ATXN7L3: variants seen among roughly 807,000 people sequenced by gnomAD.
The protein encoded by ATXN7L3 is ataxin 7 like 3.
ATXN7L3 carries 6 observed loss-of-function variants against 50.0 expected under a neutral mutation model. The observed-to-expected ratio is 0.12, with a 90% CI of 0.07 to 0.24. The LOEUF (loss-of-function observed/expected upper bound fraction) is 0.24. Ranked by LOEUF, ATXN7L3 falls within the 10% of genes least tolerant of loss-of-function variation. The probability of loss-of-function intolerance (pLI) is 1.00; values close to 1 mark genes in which losing one functional copy is unlikely to be tolerated. For synonymous variants in ATXN7L3, 198 were observed against 165.8 expected (o/e 1.19, Z -1.49); for missense variants, 322 against 451.3 (o/e 0.71, Z 2.60).
In ATXN7L3 at chr17:44,196,946, T is replaced by C. The variant is rs1319406651; in HGVS notation, c.437A>G (p.Tyr146Cys). The change falls in exon 5 of 13, where the codon TAT becomes TGT. Residue 146 changes from tyrosine (Y) to cysteine (C), a missense_variant. Tyr to Cys is a radical substitution (Grantham distance 194, BLOSUM62 -2). Transcript: ENST00000587097. ...CCAAGCACCTTTCTTCTCCGAGCCA[T>C]AGGACCAGTCGTTGTCATTGATGTC... is the stretch of plus-strand genomic sequence containing the variant. ...NDDINDNDWS[Y>C]GSEKKAKKRK... 1.2e-6 allele frequency: 2 copies of C among 1,613,356 alleles called. No homozygotes were observed. Among genetic ancestry groups the C allele is most frequent in the Non-Finnish European group, 1.7e-6 (2 of 1,179,562 alleles).
Position 44,198,586 on chromosome 17 carries a change from G to GT in ATXN7L3, c.-60-457dup, listed in dbSNP as rs1191229053. The GT allele has an allele frequency of 7.8e-5, 12 of 154,066 alleles. No individual in the cohort carries two copies. In the Admixed American group the frequency reaches 7.8e-4, roughly 10 times the overall value. 9.5% of individuals were successfully genotyped at this position (154,066 alleles called of 1,614,324 possible). ...TCAGCCAGGATGTCCACTTGGGGGGGTACTGCTACCAGAAGTAGAAATGGC... is the reference window on the plus strand; with the variant it reads ...TCAGCCAGGATGTCCACTTGGGGGGGTTACTGCTACCAGAAGTAGAAATGGC... On this transcript the variant is annotated intron_variant, in intron 1 of 12. Coordinates refer to ENST00000587097, the MANE Select transcript of ATXN7L3 (RefSeq NM_001382309.1).
Position 44,193,993 on chromosome 17 carries a change from A to T in ATXN7L3, c.*270T>A, listed in dbSNP as rs1421026326. ...GGCCTAGCTGGACATCCAGTAACTC[A>T]CAGAATAAATAGGAAAACCGCCTCC... On this transcript the variant is annotated 3_prime_UTR_variant, in exon 13 of 13. Coordinates refer to ENST00000587097, the MANE Select transcript of ATXN7L3 (RefSeq NM_001382309.1). 11 of 432,320 alleles carry T rather than the reference A, an allele frequency of 2.5e-5. 1 individual carries two copies. Among genetic ancestry groups the T allele is most frequent in the Admixed American group, 8.1e-5 (2 of 24,818 alleles). 26.8% of individuals were successfully genotyped at this position (432,320 alleles called of 1,614,324 possible).
intron 7 of ATXN7L3, 51 bp from the exon 8 acceptor site, chr17:44,195,879 G>T (rs764892324): frequency 6.3e-6 from 10 of 1,588,812 alleles, no homozygotes; most frequent in African/African-American, 2.7e-5. Context: ...GGTACAGACA[G>T]AGAACCCTGA....
chr17:44,197,092 C>T (rs2055934859), intron 4 of ATXN7L3, 66 bp from the exon 5 acceptor site: 2 of 1,554,742 alleles, frequency 1.3e-6, no homozygotes, highest in Non-Finnish European at 1.8e-6. Context: ...GGTGGTCACC[C>T]CGCTCTGCCC....
At position 44,194,136 on chromosome 17, in the gene ATXN7L3, C is replaced by A. The variant is rs1250031625; in HGVS notation, c.*127G>T. 7.7e-7 allele frequency: 1 copy of A among 1,305,282 alleles called. No homozygotes were observed. Among genetic ancestry groups the A allele is most frequent in the African/African-American group, 1.5e-5 (1 of 67,466 alleles). The allele number at this position is 1,305,282 out of a possible 1,614,324, so 80.9% of individuals were successfully genotyped here. On this transcript the variant is annotated 3_prime_UTR_variant, in exon 13 of 13. Coordinates refer to ENST00000587097, the MANE Select transcript of ATXN7L3 (RefSeq NM_001382309.1). The stretch of plus-strand genomic sequence containing the variant: ...CAGGGGCGCATAATCGGATCCTCTG[C>A]CTGCCTGGCCCACCAAGCTTCCCAA...
At chr17:44,197,979 T>A in intron 2 of ATXN7L3, 41 bp downstream of exon 2, 6 of 1,601,006 alleles carry the variant, frequency 3.7e-6, no homozygotes, top group Non-Finnish European at 5.1e-6. Context: ...CGTAGAGACA[T>A]CAAGAGAAAG....
Position 44,195,843 on chromosome 17 carries a change from A to G in ATXN7L3, c.524-15T>C. The G allele has an allele frequency of 6.2e-7, 1 of 1,609,530 alleles. No individual in the cohort carries two copies. The highest frequency in any genetic ancestry group is 8.5e-7 in the Non-Finnish European group (1 of 1,178,266). ...GCTAAGTTCCCCTGAAGAAGAAAAA[A>G]GAAGGGGAAGGGTGTTTGATGCAGA... On this transcript the variant is annotated splice_polypyrimidine_tract_variant and intron_variant, in intron 7 of 12. Transcript: ENST00000587097.
chr17:44,191,858 T>G lies in ATXN7L3; in HGVS notation c.*2405A>C. 1 of 460,276 alleles carries G rather than the reference T, an allele frequency of 2.2e-6. No homozygotes were observed. The highest frequency in any genetic ancestry group is 2.9e-6 in the Non-Finnish European group (1 of 350,358). 28.5% of individuals were successfully genotyped at this position (460,276 alleles called of 1,614,324 possible). On this transcript the variant is annotated 3_prime_UTR_variant, in exon 13 of 13. Transcript: ENST00000587097. ...CCAGCAGCCATGGGGGCAGAGGGAA[T>G]ACACAGCGTTTACAAAGTTAGCTAC... is the stretch of plus-strand genomic sequence containing the variant.
rs371512397 is a variant in ATXN7L3, at chr17:44,192,517, C to G, written c.*1746G>C. ...CTTCAGCCCACTCCCCAGACTGCATCTGGAAGCGGCTAGAGGCCTGCTGAG... is the reference window on the plus strand; with the variant it reads ...CTTCAGCCCACTCCCCAGACTGCATGTGGAAGCGGCTAGAGGCCTGCTGAG... On this transcript the variant is annotated 3_prime_UTR_variant, in exon 13 of 13. Coordinates refer to ENST00000587097, the MANE Select transcript of ATXN7L3 (RefSeq NM_001382309.1). The G allele has an allele frequency of 6.6e-6, 1 of 152,160 alleles. No homozygotes were observed. Among genetic ancestry groups the G allele is most frequent in the East Asian group, 1.9e-4 (1 of 5,150 alleles). 9.4% of individuals were successfully genotyped at this position (152,160 alleles called of 1,614,324 possible). A position where few individuals can be genotyped will look rare whatever the true frequency, so the allele number is the denominator to read the frequency against.
rs373193855 is a variant in ATXN7L3 at position 44,196,430 on chromosome 17, A to G, written c.455-12T>C. Reference sequence around the variant, plus strand: ...CTTTCTCTTCTTGGCTGTGGGAAACAAAAGCATAAAGAGCAGGGTTTCCGT... The same window carrying G: ...CTTTCTCTTCTTGGCTGTGGGAAACGAAAGCATAAAGAGCAGGGTTTCCGT... On this transcript the variant is annotated splice_polypyrimidine_tract_variant and intron_variant, in intron 5 of 12. Transcript: ENST00000587097. 1.2e-6 allele frequency: 2 copies of G among 1,613,854 alleles called. No homozygotes were observed. The highest frequency in any genetic ancestry group is 2.7e-5 in the African/African-American group (2 of 74,872).
At chr17:44,197,165 A>G (rs2144487266) in intron 4 of ATXN7L3, 63 bp downstream of exon 4, 3 of 1,567,748 alleles carry the variant, frequency 1.9e-6, no homozygotes, top group Non-Finnish European at 2.6e-6. Flanking sequence ...TACCTTCCCA[A>G]TGCCCCCGGG....
Position 44,192,117 on chromosome 17 carries a change from G to GTGGGAAGGA in ATXN7L3, c.*2137_*2145dup, listed in dbSNP as rs1276652439. ...ACAGGGTGGACGACACCTAGCCGGG[G>GTGGGAAGGA]TGGGAAGGATGGGAATTGAAACCCA... is the stretch of plus-strand genomic sequence containing the variant. On this transcript the variant is annotated 3_prime_UTR_variant, in exon 13 of 13. Coordinates refer to ENST00000587097, the MANE Select transcript of ATXN7L3 (RefSeq NM_001382309.1). 1 of 152,542 alleles carries GTGGGAAGGA rather than the reference G, an allele frequency of 6.6e-6. No homozygotes were observed. The highest frequency in any genetic ancestry group is 1.9e-4 in the East Asian group (1 of 5,190). The allele number at this position is 152,542 out of a possible 1,614,324, so 9.4% of individuals were successfully genotyped here. A position where few individuals can be genotyped will look rare whatever the true frequency, so the allele number is the denominator to read the frequency against.
chr17:44,195,059 A>G, intron 10 of ATXN7L3, 38 bp downstream of exon 10: 1 of 1,610,922 alleles, frequency 6.2e-7, no homozygotes, highest in South Asian at 1.1e-5. Flanking sequence ...GTGAGTGTGC[A>G]GGAAGCGCCT....
chr17:44,197,850 ATCTTGACT>A, intron 2 of ATXN7L3, 120 bp from the exon 3 acceptor site: 1 of 1,541,534 alleles, frequency 6.5e-7, no homozygotes, highest in East Asian at 2.3e-5. Flanking sequence ...CATTTTCCCC[ATCTTGACT>A]TCGTGTTCTT....
At chr17:44,198,948 G>A (rs867260624) in intron 1 of ATXN7L3, 74 of 152,704 alleles carry the variant, frequency 4.8e-4, no homozygotes, top group African/African-American at 1.7e-3. Flanking sequence ...CGAGTTTCAG[G>A]AGCTGCCGGC....
chr17:44,196,119 G>A (rs778280416), intron 6 of ATXN7L3, 40 bp from the exon 7 acceptor site: 8 of 1,592,110 alleles, frequency 5.0e-6, no homozygotes, highest in African/African-American at 2.7e-5. Flanking sequence ...AAAGGGTAAC[G>A]AAAAGGGGGA....
intron 7 of ATXN7L3, 86 bp downstream of exon 7, chr17:44,195,948 C>G: frequency 6.4e-7 from 1 of 1,563,890 alleles, no homozygotes; most frequent in Non-Finnish European, 8.7e-7. Flanking sequence ...CTCAATTCCC[C>G]TATCCCCGGG....
chr17:44,198,253 C>T (rs2055995148), intron 1 of ATXN7L3, 123 bp from the exon 2 acceptor site: 1 of 607,824 alleles, frequency 1.6e-6, no homozygotes, highest in East Asian at 2.8e-5. Context: ...CTCCCCAAGG[C>T]CCAGGCTCCC....
intron 11 of ATXN7L3, 26 bp from the exon 12 acceptor site, chr17:44,194,700 G>A (rs753540755): frequency 2.5e-6 from 4 of 1,613,408 alleles, no homozygotes; most frequent in Non-Finnish European, 3.4e-6. Flanking sequence ...GCCAAAGAAG[G>A]GCTTTAGAGA....
Sources: allele counts gnomAD v4.1 joint callset, GRCh38; gene constraint gnomAD v4.1.1; transcripts MANE v1.5; gene names NCBI Gene and HGNC (gene_info 2026-07-23, HGNC 2026-07-21).